Variants in NALCN observed in about 807,000 individuals in gnomAD.
The protein encoded by NALCN is sodium leak channel NALCN.
NALCN carries 111 observed loss-of-function variants against 225.3 expected under a neutral mutation model. The ratio of observed to expected loss-of-function variants is 0.49; its 90% CI spans 0.42 to 0.58. NALCN has a LOEUF of 0.58. Among genes scored for constraint, NALCN ranks in the 20% least tolerant of loss-of-function variants. NALCN has a pLI of 0.00. For missense variants in NALCN, 1,378 were observed against 2,202.4 expected (o/e 0.63, Z 7.49); for synonymous variants, 764 against 769.0 (o/e 0.99, Z 0.11).
chr13:101,336,149 T>C (rs1434612349), intron 7 of NALCN, among the ~76,000 whole-genome samples: 1 of 152,078 alleles, frequency 6.6e-6, no homozygotes, highest in Non-Finnish European at 1.5e-5. Flanking sequence ...TGTAAGTGGA[T>C]CCATTGTCAA....
chr13:101,238,357 A>G (rs2041640085), intron 11 of NALCN, among the ~76,000 whole-genome samples: 1 of 151,974 alleles, frequency 6.6e-6, no homozygotes, highest in African/African-American at 2.4e-5. Flanking sequence ...AAAAGTTAAA[A>G]TATCATTTAT....
chr13:101,376,630 T>C (rs747891333), intron 6 of NALCN, 70 bp downstream of exon 6: 8 of 1,511,866 alleles, frequency 5.3e-6, no homozygotes, highest in Non-Finnish European at 7.1e-6. Flanking sequence ...ATAGAGGTTA[T>C]TCTTATGAAA....
chr13:101,388,876 G>A (rs543846064), intron 3 of NALCN, among the ~76,000 whole-genome samples: 1 of 152,334 alleles, frequency 6.6e-6, no homozygotes, highest in East Asian at 1.9e-4. Context: ...TTCAATGCAT[G>A]GGCAAAGGTT....
chr13:101,103,044 C>T (rs925694519), intron 26 of NALCN, 128 bp downstream of exon 26: 15 of 1,108,274 alleles, frequency 1.4e-5, no homozygotes, highest in African/African-American at 1.6e-5. Context: ...TTGTTAGTGC[C>T]TCCATTACCC....
intron 34 of NALCN, among the ~76,000 whole-genome samples, chr13:101,081,183 G>T (rs984875693): frequency 1.3e-5 from 2 of 152,152 alleles, no homozygotes; most frequent in East Asian, 3.8e-4. Flanking sequence ...GTGTGAATTT[G>T]GACAGTTCTC....
Position 101,377,072 on chromosome 13 carries a change from T to C in NALCN, c.376-16A>G. 4 of 1,614,042 alleles carry C rather than the reference T, an allele frequency of 2.5e-6. No homozygotes were observed. The highest frequency in any genetic ancestry group is 3.4e-6 in the Non-Finnish European group (4 of 1,179,936). On this transcript the variant is annotated splice_polypyrimidine_tract_variant and intron_variant, in intron 4 of 43. Transcript: ENST00000251127. ...TTTCAAACACCTACAAATTAAAAGA[T>C]GGGTAAATGAGGTTGGATTTTCCCT...
intron 14 of NALCN, among the ~76,000 whole-genome samples, chr13:101,184,702 C>T (rs1288056813): frequency 1.3e-5 from 2 of 152,124 alleles, no homozygotes; most frequent in African/African-American, 2.4e-5. Context: ...ATGATTCAAA[C>T]AGCTGAAAAG....
intron 6 of NALCN, among the ~76,000 whole-genome samples, chr13:101,356,361 G>A (rs1349972391): frequency 5.9e-5 from 9 of 152,028 alleles, no homozygotes; most frequent in Non-Finnish European, 1.0e-4. Context: ...AAATGATAAC[G>A]GGGATATCAC....
At chr13:101,215,952 G>A (rs533215274) in intron 13 of NALCN, among the ~76,000 whole-genome samples, 1 of 152,136 alleles carries the variant, frequency 6.6e-6, no homozygotes, top group African/African-American at 2.4e-5. Flanking sequence ...AACATTAAAT[G>A]CTTAGCAACC....
chr13:101,216,852 A>G (rs1254344845), intron 13 of NALCN, among the ~76,000 whole-genome samples: 1 of 152,138 alleles, frequency 6.6e-6, no homozygotes, highest in African/African-American at 2.4e-5. Flanking sequence ...TTTTGGACAT[A>G]TTTTATAAGT....
rs540941714 is a variant in NALCN, at chr13:101,089,607, A to C, written c.3489+56T>G. 2.1e-5 allele frequency: 31 copies of C among 1,506,334 alleles called. No individual in the cohort carries two copies. In the African/African-American group the frequency reaches 3.6e-4, roughly 17 times the overall value. 93.3% of individuals were successfully genotyped at this position (1,506,334 alleles called of 1,614,324 possible). On this transcript the variant is annotated intron_variant, in intron 30 of 43. Transcript: ENST00000251127. The surrounding 1 kb of genome is among the most constrained non-coding windows in gnomAD (Gnocchi z 4.7). ...GCGTGTGAAAAGAAACAAATAGCTCAAAGTGAGTGGCTAGAAAAGGCTAAA... is the reference window on the plus strand; with the variant it reads ...GCGTGTGAAAAGAAACAAATAGCTCCAAGTGAGTGGCTAGAAAAGGCTAAA...
chr13:101,200,484 A>G (rs1715589819), intron 13 of NALCN, among the ~76,000 whole-genome samples: 2 of 152,192 alleles, frequency 1.3e-5, no homozygotes, highest in East Asian at 3.8e-4. Flanking sequence ...TCCGGTTATA[A>G]GTTGAGATTA....
intron 40 of NALCN, 77 bp downstream of exon 40, chr13:101,065,327 T>G (rs2032284825): frequency 6.8e-7 from 1 of 1,473,688 alleles, no homozygotes; most frequent in African/African-American, 1.4e-5. Flanking sequence ...CACTTGTTAA[T>G]TGTACTGCAG....
chr13:101,066,068 G>A (rs1405584737), intron 39 of NALCN, among the ~76,000 whole-genome samples: 1 of 152,196 alleles, frequency 6.6e-6, no homozygotes, highest in Non-Finnish European at 1.5e-5. Context: ...GATCATGCCT[G>A]TAATCTCAGC....
intron 6 of NALCN, among the ~76,000 whole-genome samples, chr13:101,346,691 A>C (rs1594717850): frequency 6.6e-6 from 1 of 152,164 alleles, no homozygotes; most frequent in East Asian, 1.9e-4. Context: ...ACTTGATATA[A>C]AGGATTTAGA....
At chr13:101,109,950 G>A (rs1036903503) in intron 20 of NALCN, among the ~76,000 whole-genome samples, 1 of 152,116 alleles carries the variant, frequency 6.6e-6, no homozygotes, top group Non-Finnish European at 1.5e-5. Context: ...AAAATAAAAA[G>A]AAATCACTCC....
chr13:101,383,083 T>C (rs2046893446), intron 3 of NALCN, among the ~76,000 whole-genome samples: 1 of 151,962 alleles, frequency 6.6e-6, no homozygotes, highest in Non-Finnish European at 1.5e-5. Flanking sequence ...TTGTAAAAAA[T>C]CTTTGGCTTT....
chr13:101,263,434 G>A lies in NALCN; in HGVS notation c.1135-4860C>T, dbSNP rs145981836. Among the ~76,000 whole-genome samples, 11 of 152,200 alleles carry A rather than the reference G, an allele frequency of 7.2e-5. No individual in the cohort carries two copies. In the East Asian group the frequency reaches 2.1e-3, roughly 29 times the overall value. ...TTTTCTATACTCCTTTCAGCATAAT[G>A]TTCTATTAGAAATATTTCTGCTGAT... On this transcript the variant is annotated intron_variant, in intron 10 of 43. Coordinates refer to ENST00000251127, the MANE Select transcript of NALCN (RefSeq NM_052867.4).
At chr13:101,319,648 G>T (rs2044677054) in intron 7 of NALCN, among the ~76,000 whole-genome samples, 1 of 151,638 alleles carries the variant, frequency 6.6e-6, no homozygotes, top group Admixed American at 6.6e-5. Flanking sequence ...CCTTTATGAT[G>T]AGAAAAAAAG....
Sources: gnomAD v4.1 joint callset for allele counts (sites outside exome capture counted in the v4.1 genomes callset) on GRCh38, gnomAD v4.1.1 for gene constraint, Gnocchi (gnomAD v3.1) non-coding constraint, MANE v1.5 for transcripts, NCBI Gene and HGNC (gene_info 2026-07-23, HGNC 2026-07-21) for gene names.